PIK3C2G: variants seen among roughly 807,000 people sequenced by gnomAD.
PIK3C2G encodes phosphatidylinositol-4-phosphate 3-kinase catalytic subunit type 2 gamma.
Under a neutral mutation model 181.1 loss-of-function variants are expected in PIK3C2G, and 168 were observed. The observed-to-expected ratio is 0.93, with a 90% CI of 0.82 to 1.05. The LOEUF is 1.05. Ranked by LOEUF, PIK3C2G falls within the 50% of genes least tolerant of loss-of-function variation. The pLI is 0.00. For synonymous variants in PIK3C2G, 573 were observed against 592.2 expected (o/e 0.97, Z 0.47); for missense variants, 1,869 against 1,732.8 (o/e 1.08, Z -1.40).
intron 24 of PIK3C2G, among the ~76,000 whole-genome samples, chr12:18,531,242 A>G (rs988691819): frequency 2.0e-5 from 3 of 152,102 alleles, no homozygotes; most frequent in African/African-American, 7.2e-5. Flanking sequence ...TATATTATCT[A>G]TGTCAAGGTT....
chr12:18,354,450 C>A (rs2137727805), intron 11 of PIK3C2G, among the ~76,000 whole-genome samples: 1 of 152,304 alleles, frequency 6.6e-6, no homozygotes, highest in Admixed American at 6.5e-5. Flanking sequence ...CCTGAGACTG[C>A]CCCTTGCAGC....
intron 20 of PIK3C2G, chr12:18,493,422 T>C (rs144332230): frequency 3.1e-3 from 477 of 152,390 alleles, no homozygotes; most frequent in Admixed American, 5.6e-3. Context: ...AAAAGCCCTA[T>C]AAATATGATA....
At chr12:18,715,502 C>T in the PIK3C2G span, among the ~76,000 whole-genome samples, 1 of 151,600 alleles carries the variant, frequency 6.6e-6, no homozygotes, top group Non-Finnish European at 1.5e-5. Flanking sequence ...CCCGGGTTCA[C>T]GCCATTCTCC....
intron 24 of PIK3C2G, among the ~76,000 whole-genome samples, chr12:18,525,726 T>C (rs1592492343): frequency 6.6e-6 from 1 of 152,198 alleles, no homozygotes; most frequent in Non-Finnish European, 1.5e-5. Context: ...AGAGCTTTTT[T>C]CCTAAGGAAA....
intron 14 of PIK3C2G, among the ~76,000 whole-genome samples, chr12:18,386,233 A>G (rs1334012064): frequency 6.6e-6 from 1 of 152,156 alleles, no homozygotes; most frequent in Non-Finnish European, 1.5e-5. Flanking sequence ...CACAGTGGAC[A>G]TATTCTCCCT....
chr12:18,507,281 G>A (rs772542883), intron 24 of PIK3C2G, among the ~76,000 whole-genome samples: 38 of 151,960 alleles, frequency 2.5e-4, no homozygotes, highest in Non-Finnish European at 5.9e-5. Flanking sequence ...CTCCTGCCTC[G>A]GCCTCCCAAA....
intron 31 of PIK3C2G, among the ~76,000 whole-genome samples, chr12:18,636,278 G>C (rs1949598798): frequency 6.6e-6 from 1 of 152,136 alleles, no homozygotes; most frequent in Non-Finnish European, 1.5e-5. Flanking sequence ...TGTTGCCCAG[G>C]CTGGAGTACA....
intron 24 of PIK3C2G, among the ~76,000 whole-genome samples, chr12:18,511,304 T>C (rs1942190081): frequency 6.6e-6 from 1 of 152,164 alleles, no homozygotes; most frequent in African/African-American, 2.4e-5. Flanking sequence ...GAAGACATTC[T>C]TGCAACATAT....
chr12:18,429,573 C>T (rs1265065705), intron 18 of PIK3C2G, among the ~76,000 whole-genome samples: 3 of 152,114 alleles, frequency 2.0e-5, no homozygotes, highest in African/African-American at 4.8e-5. Flanking sequence ...ACTCCCTTGA[C>T]ACCACTGCTG....
the PIK3C2G span, chr12:18,701,412 T>C: frequency 1.3e-6 from 2 of 1,593,526 alleles, no homozygotes; most frequent in East Asian, 2.2e-5. Context: ...AGGAAAATGA[T>C]TTTTCTCCAG....
At chr12:18,591,474 C>A (rs1439745737) in intron 29 of PIK3C2G, among the ~76,000 whole-genome samples, 1 of 151,726 alleles carries the variant, frequency 6.6e-6, no homozygotes, top group African/African-American at 2.4e-5. Flanking sequence ...GAGAACATGA[C>A]AAACCCTGGG....
chr12:18,352,374 T>G (rs559741336), intron 11 of PIK3C2G, among the ~76,000 whole-genome samples: 1 of 152,288 alleles, frequency 6.6e-6, no homozygotes, highest in South Asian at 2.1e-4. Flanking sequence ...GGGGTTGGCT[T>G]GTTTAGTCAG....
At chr12:18,720,593 C>A in the PIK3C2G span, among the ~76,000 whole-genome samples, 1 of 151,700 alleles carries the variant, frequency 6.6e-6, no homozygotes, top group African/African-American at 2.4e-5. Flanking sequence ...ATAGGATCTA[C>A]CCTTATATAT....
At chr12:18,429,684 A>C (rs566628827) in intron 18 of PIK3C2G, among the ~76,000 whole-genome samples, 19 of 152,300 alleles carry the variant, frequency 1.2e-4, no homozygotes, top group African/African-American at 3.8e-4. Context: ...AACTCAGTAG[A>C]TACTCAAAAA....
chr12:18,253,497 T>G (rs964780254), intron 1 of PIK3C2G, among the ~76,000 whole-genome samples: 13 of 152,180 alleles, frequency 8.5e-5, no homozygotes, highest in Admixed American at 4.6e-4. Flanking sequence ...GCACAGATAT[T>G]ATCATACGAG....
intron 22 of PIK3C2G, among the ~76,000 whole-genome samples, chr12:18,501,014 A>G (rs1410147221): frequency 6.6e-6 from 1 of 151,946 alleles, no homozygotes; most frequent in East Asian, 1.9e-4. Context: ...CTCCTGAGCC[A>G]GCGAGACCAC....
At chr12:18,249,658 A>G (rs1216389933) in intron 1 of PIK3C2G, among the ~76,000 whole-genome samples, 1 of 152,150 alleles carries the variant, frequency 6.6e-6, no homozygotes, top group Non-Finnish European at 1.5e-5. Context: ...GCTTCTCCAG[A>G]TTTAGCCAAA....
intron 20 of PIK3C2G, 127 bp from the exon 21 acceptor site, chr12:18,495,935 T>A: frequency 2.0e-6 from 1 of 507,352 alleles, no homozygotes; most frequent in South Asian, 3.4e-5. Context: ...AAATTATTCA[T>A]ATGTGTTACA....
Position 18,356,438 on chromosome 12 carries a change from G to A in PIK3C2G, c.1626-6326G>A, listed in dbSNP as rs562429446. Among the ~76,000 whole-genome samples, 422 of 152,238 alleles carry A rather than the reference G, an allele frequency of 2.8e-3. 1 individual carries two copies. The highest frequency in any genetic ancestry group is 9.4e-3 in the African/African-American group (389 of 41,554). On this transcript the variant is annotated intron_variant, in intron 11 of 32. Transcript: ENST00000538779. ...TAGGAGTAGAACTCCATGTGGCCCC[G>A]TGGCAGCATCTGGGGGGTACCTACA...
Sources: allele counts gnomAD v4.1 joint callset (sites outside exome capture counted in the v4.1 genomes callset), GRCh38; gene constraint gnomAD v4.1.1; transcripts MANE v1.5; gene names NCBI Gene and HGNC (gene_info 2026-07-23, HGNC 2026-07-21).